DIAPH2: variants seen among roughly 807,000 people sequenced by gnomAD.
DIAPH2 encodes diaphanous related formin 2.
A neutral mutation model predicts 92.7 loss-of-function variants in DIAPH2; 35 were observed. The observed-to-expected ratio is 0.38, with a 90% confidence interval of 0.29 to 0.50. DIAPH2 has a LOEUF of 0.50. Ranked by LOEUF, DIAPH2 falls within the 20% of genes least tolerant of loss-of-function variation. The pLI is 0.94. For synonymous variants in DIAPH2, 301 were observed against 280.4 expected (o/e 1.07, Z -0.73); for missense variants, 701 against 819.5 (o/e 0.86, Z 1.77).
chrX:97,275,567 G>A lies in DIAPH2; in HGVS notation c.2844+27728G>A, dbSNP rs1053167277. Among the ~76,000 whole-genome samples the A allele has an allele frequency of 9.7e-4, 103 of 106,697 alleles. 1 individual carries two copies. Among genetic ancestry groups the A allele is most frequent in the Non-Finnish European group, 1.4e-3 (72 of 51,228 alleles). 92.7% of individuals were successfully genotyped at this position (106,697 alleles called of 115,157 possible). ...GGGCTCCTCACTTCTCAGACGGGGCGGCTGCCGGGCAGAGGGGCTCCTCAC... is the reference window on the plus strand; with the variant it reads ...GGGCTCCTCACTTCTCAGACGGGGCAGCTGCCGGGCAGAGGGGCTCCTCAC... On this transcript the variant is annotated intron_variant, in intron 23 of 26. Coordinates refer to ENST00000324765, the MANE Select transcript of DIAPH2 (RefSeq NM_006729.5).
chrX:97,289,136 G>A (rs943699036), intron 23 of DIAPH2, among the ~76,000 whole-genome samples: 9 of 111,446 alleles, frequency 8.1e-5, no homozygotes, highest in Non-Finnish European at 1.7e-4. Context: ...CAAGGGTACA[G>A]AAATCTTGCT....
chrX:96,779,307 A>C lies in DIAPH2; in HGVS notation c.447+21049A>C, dbSNP rs138630564. Among the ~76,000 whole-genome samples, 812 of 112,126 alleles carry C rather than the reference A, an allele frequency of 7.2e-3. 6 individuals are homozygous for C. The highest frequency in any genetic ancestry group is 0.025 in the African/African-American group (784 of 30,906). On this transcript the variant is annotated intron_variant, in intron 4 of 26. Coordinates refer to ENST00000324765, the MANE Select transcript of DIAPH2 (RefSeq NM_006729.5). ...ATAAAATCCATTCAATTGTTTACTG[A>C]AAATAACACATAAAATAAAGAAATC... is the stretch of plus-strand genomic sequence containing the variant.
intron 26 of DIAPH2, among the ~76,000 whole-genome samples, chrX:97,572,857 A>C (rs1002892771): frequency 4.5e-5 from 5 of 111,761 alleles, no homozygotes; most frequent in Non-Finnish European, 9.4e-5. Context: ...CCAGGGAAAG[A>C]GTAAAATTGT....
chrX:97,185,363 ATATATG>A (rs1306846305), intron 22 of DIAPH2, among the ~76,000 whole-genome samples: 12 of 56,113 alleles, frequency 2.1e-4, no homozygotes, highest in African/African-American at 1.4e-3. Flanking sequence ...GTGTGTATAT[ATATATG>A]TATATATATA....
At chrX:97,401,415 G>C (rs943408216) in intron 25 of DIAPH2, among the ~76,000 whole-genome samples, 1 of 110,699 alleles carries the variant, frequency 9.0e-6, no homozygotes, top group Non-Finnish European at 1.9e-5. Context: ...TTGCTTTCTC[G>C]AGGTTCATCC....
In DIAPH2 at chrX:97,099,793, G is replaced by T; in HGVS notation, c.2347G>T (p.Val783Leu). Residue 783 changes from valine to leucine, a missense_variant and splice_region_variant, in exon 20 of 27, where the codon GTG (valine) becomes TTG (leucine). Val to Leu is a conservative substitution (Grantham distance 32). This residue lies in a region of DIAPH2 where 536 missense variants were observed against 599.3 expected (regional missense o/e 0.89). Coordinates refer to ENST00000324765, the MANE Select transcript of DIAPH2 (RefSeq NM_006729.5). ...DLCEPEQFGV[V>L]MSSVKMLQPR... ...CTGTGAGCCTGAACAATTTGGAGTTGTGGTATGTATCCAACATGAGGGACC... is the reference window on the plus strand; with the variant it reads ...CTGTGAGCCTGAACAATTTGGAGTTTTGGTATGTATCCAACATGAGGGACC... 1 of 1,139,959 alleles carries T rather than the reference G, an allele frequency of 8.8e-7. No homozygotes were observed. Among genetic ancestry groups the T allele is most frequent in the Non-Finnish European group, 1.2e-6 (1 of 852,692 alleles). The allele number at this position is 1,139,959 out of a possible 1,213,427, so 93.9% of individuals were successfully genotyped here.
chrX:97,420,462 A>G (rs889841786), intron 25 of DIAPH2, among the ~76,000 whole-genome samples: 2 of 111,619 alleles, frequency 1.8e-5, no homozygotes, highest in African/African-American at 6.5e-5. Context: ...TGTACCTAAA[A>G]CATTAATTTT....
intron 1 of DIAPH2, among the ~76,000 whole-genome samples, chrX:96,688,437 C>T (rs1318153321): frequency 2.7e-5 from 3 of 111,743 alleles, no homozygotes; most frequent in African/African-American, 9.8e-5. Context: ...TGGGTGCAAG[C>T]GATTCTCCTG....
At chrX:97,369,438 G>A (rs199876314) in intron 24 of DIAPH2, among the ~76,000 whole-genome samples, 13 of 106,920 alleles carry the variant, frequency 1.2e-4, no homozygotes, top group Non-Finnish European at 2.1e-4. Context: ...TAACTTCATT[G>A]CCCTTACCAG....
intron 5 of DIAPH2, among the ~76,000 whole-genome samples, chrX:96,898,411 T>C (rs752176983): frequency 0.014 from 1,145 of 84,332 alleles, 34 homozygotes; most frequent in African/African-American, 0.039. Context: ...TTTTAATGAT[T>C]GCCATTCTAA....
At chrX:96,838,174 G>A (rs2064911570) in intron 4 of DIAPH2, among the ~76,000 whole-genome samples, 1 of 111,837 alleles carries the variant, frequency 8.9e-6, no homozygotes, top group African/African-American at 3.3e-5. Flanking sequence ...AATAAGATGA[G>A]TGACTAAATT....
intron 25 of DIAPH2, among the ~76,000 whole-genome samples, chrX:97,393,780 T>A (rs2069681056): frequency 8.9e-6 from 1 of 112,231 alleles, no homozygotes; most frequent in Non-Finnish European, 1.9e-5. Context: ...AAAAGTATGT[T>A]AAAATGGGTA....
Position 97,330,016 on chromosome X carries a change from C to A in DIAPH2, c.2845-18100C>A, listed in dbSNP as rs1290286234. 2.8e-5 allele frequency among the ~76,000 whole-genome samples: 3 copies of A among 105,408 alleles called. No homozygotes were observed. The East Asian group carries it at 9.2e-4, about 32-fold the overall frequency. The allele number at this position is 105,408 out of a possible 115,157, so 91.5% of individuals were successfully genotyped here. A position where few individuals can be genotyped will look rare whatever the true frequency, so the allele number is the denominator to read the frequency against. On this transcript the variant is annotated intron_variant, in intron 23 of 26. Transcript: ENST00000324765. The stretch of plus-strand genomic sequence containing the variant: ...GGGGAGAAGGAGAAAGTCACTGACC[C>A]CTCTCTCCTGAACTTGCACAGAGCC...
intron 24 of DIAPH2, among the ~76,000 whole-genome samples, chrX:97,373,007 A>G: frequency 9.0e-6 from 1 of 111,187 alleles, no homozygotes; most frequent in Non-Finnish European, 1.9e-5. Flanking sequence ...AAGCCGTGTA[A>G]CACTGTTTGT....
intron 20 of DIAPH2, among the ~76,000 whole-genome samples, chrX:97,100,642 G>T (rs2066900258): frequency 9.0e-6 from 1 of 111,508 alleles, no homozygotes; most frequent in African/African-American, 3.3e-5. Context: ...ACTTTACCCT[G>T]GCTCCCTGAA....
intron 4 of DIAPH2, among the ~76,000 whole-genome samples, chrX:96,815,415 T>C (rs1230991987): frequency 2.7e-5 from 3 of 111,584 alleles, no homozygotes; most frequent in Non-Finnish European, 5.7e-5. Flanking sequence ...TGTCCCGTTT[T>C]TTTAGGTATA....
chrX:97,162,762 G>A (rs978081752), intron 22 of DIAPH2, among the ~76,000 whole-genome samples: 4 of 111,567 alleles, frequency 3.6e-5, no homozygotes, highest in African/African-American at 1.3e-4. Context: ...TGATCCACCC[G>A]CCTCAGCCTC....
intron 25 of DIAPH2, among the ~76,000 whole-genome samples, chrX:97,389,274 C>T (rs1158811494): frequency 9.2e-6 from 1 of 109,094 alleles, no homozygotes; most frequent in Non-Finnish European, 1.9e-5. Context: ...CAAGACCAGC[C>T]TGGCCAAGAT....
chrX:96,818,255 A>G (rs969778138), intron 4 of DIAPH2, among the ~76,000 whole-genome samples: 6 of 109,643 alleles, frequency 5.5e-5, no homozygotes, highest in South Asian at 3.9e-4. Flanking sequence ...TTGGGATTAC[A>G]GGTGTGAGCC....
Sources: gnomAD v4.1 joint callset for allele counts (sites outside exome capture counted in the v4.1 genomes callset) on GRCh38, gnomAD v4.1.1 for gene constraint, gnomAD v4.1.1 regional missense constraint, MANE v1.5 for transcripts, NCBI Gene and HGNC (gene_info 2026-07-23, HGNC 2026-07-21) for gene names.